Variants in OSBPL8 observed in about 807,000 individuals in gnomAD.
OSBPL8 encodes oxysterol-binding protein-related protein 8.
OSBPL8 carries 59 observed loss-of-function variants against 125.5 expected under a neutral mutation model. That is an observed-to-expected ratio of 0.47 (90% confidence interval 0.38 to 0.58). The LOEUF (loss-of-function observed/expected upper bound fraction) is 0.58, where lower values mean the gene tolerates loss of function less well. Ranked by LOEUF, OSBPL8 falls within the 20% of genes least tolerant of loss-of-function variation. The pLI is 0.00. For synonymous variants in OSBPL8, 330 were observed against 338.9 expected, an observed-to-expected ratio of 0.97 and a Z score of 0.29; for missense variants, 758 against 1,047.8, an observed-to-expected ratio of 0.72 and a Z score of 3.82.
chr12:76,383,910 A>G (rs146433875), intron 15 of OSBPL8, among the ~76,000 whole-genome samples: 72 of 152,282 alleles, frequency 4.7e-4, no homozygotes, highest in Non-Finnish European at 7.6e-4. Context: ...CTCTCTGTTC[A>G]AAGACTAAAA....
At chr12:76,438,088 G>C (rs1565897166) in intron 4 of OSBPL8, among the ~76,000 whole-genome samples, 1 of 150,034 alleles carries the variant, frequency 6.7e-6, no homozygotes, top group Non-Finnish European at 1.5e-5. Flanking sequence ...CTGGGTTCAC[G>C]CTATTCTCCT....
At chr12:76,463,481 A>C (rs2136853290) in intron 2 of OSBPL8, among the ~76,000 whole-genome samples, 1 of 152,330 alleles carries the variant, frequency 6.6e-6, no homozygotes, top group Admixed American at 6.5e-5. Flanking sequence ...GGATATATAA[A>C]TCTGTATAGG....
chr12:76,467,150 A>G (rs183411260), intron 2 of OSBPL8, among the ~76,000 whole-genome samples: 19 of 152,070 alleles, frequency 1.2e-4, no homozygotes, highest in Admixed American at 2.0e-4. Context: ...CTTCTCATGT[A>G]AGCCTCTTTT....
At chr12:76,391,677 G>A (rs1311639991) in intron 10 of OSBPL8, among the ~76,000 whole-genome samples, 2 of 152,116 alleles carry the variant, frequency 1.3e-5, no homozygotes, top group Non-Finnish European at 2.9e-5. Flanking sequence ...ACTGGAAGAT[G>A]GCTTGAGCCC....
Position 76,552,753 on chromosome 12 carries a change from C to T in OSBPL8, c.-68+6644G>A, listed in dbSNP as rs145128450. ...ACCCCAAGTCAGCATAGGGCCAGTG[C>T]AATAGGCTAGTAAGTGGCTGTACCA... On this transcript the variant is annotated intron_variant, in intron 1 of 23. Transcript: ENST00000261183. Among the ~76,000 whole-genome samples the T allele has an allele frequency of 8.7e-3, 1,323 of 152,258 alleles. 9 individuals are homozygous for T. Among genetic ancestry groups the T allele is most frequent in the South Asian group, 0.016 (78 of 4,832 alleles).
chr12:76,540,988 C>T (rs958968740), intron 1 of OSBPL8, among the ~76,000 whole-genome samples: 1 of 152,076 alleles, frequency 6.6e-6, no homozygotes, highest in African/African-American at 2.4e-5. Context: ...AAAGAAAACA[C>T]AGCTAGCAAA....
intron 4 of OSBPL8, among the ~76,000 whole-genome samples, chr12:76,436,420 A>G (rs963411773): frequency 2.6e-5 from 4 of 152,024 alleles, no homozygotes; most frequent in Admixed American, 6.6e-5. Context: ...AATAACATAA[A>G]CCAGTGGTCC....
chr12:76,375,496 T>C, intron 16 of OSBPL8, 126 bp from the exon 17 acceptor site: 1 of 615,780 alleles, frequency 1.6e-6, no homozygotes. Flanking sequence ...CCCACTCAAA[T>C]GAAAAACTAT....
At chr12:76,401,216 T>C (rs1340472338) in intron 6 of OSBPL8, among the ~76,000 whole-genome samples, 1 of 152,216 alleles carries the variant, frequency 6.6e-6, no homozygotes, top group Non-Finnish European at 1.5e-5. Flanking sequence ...GTTAACCTTC[T>C]GGAAAACACT....
intron 1 of OSBPL8, among the ~76,000 whole-genome samples, chr12:76,504,486 G>T (rs1163768816): frequency 1.3e-5 from 2 of 152,162 alleles, no homozygotes; most frequent in African/African-American, 4.8e-5. Context: ...ACAGTATTTG[G>T]AAGGTGGAAG....
At chr12:76,386,446 T>C in intron 13 of OSBPL8, 133 bp downstream of exon 13, 1 of 1,279,242 alleles carries the variant, frequency 7.8e-7, no homozygotes, top group Non-Finnish European at 1.1e-6. Flanking sequence ...GTCTAAATGA[T>C]CAGGTATTTT....
chr12:76,380,929 A>T (rs560642187), intron 15 of OSBPL8, among the ~76,000 whole-genome samples: 2 of 152,184 alleles, frequency 1.3e-5, no homozygotes, highest in Middle Eastern at 3.2e-3. Context: ...GGACTAAGAA[A>T]TAAATAGGTG....
At chr12:76,386,734 A>G in intron 12 of OSBPL8, 74 bp from the exon 13 acceptor site, 1 of 1,000,334 alleles carries the variant, frequency 1.0e-6, no homozygotes, top group Non-Finnish European at 1.5e-6. Context: ...TTAACCAATA[A>G]CCGAGTATGA....
rs1023565380 is a variant in OSBPL8, at chr12:76,386,737, G to A, written c.1353-77C>T. On this transcript the variant is annotated intron_variant, in intron 12 of 23. Transcript: ENST00000261183. ...CTCTCACATTTATTAACCAATAACCGAGTATGAAACATGATTGGAAAACAT... is the reference window on the plus strand; with the variant it reads ...CTCTCACATTTATTAACCAATAACCAAGTATGAAACATGATTGGAAAACAT... The A allele has an allele frequency of 1.7e-5, 16 of 966,546 alleles. No individual in the cohort carries two copies. In the African/African-American group the frequency reaches 1.8e-4, roughly 11 times the overall value. The allele number at this position is 966,546 out of a possible 1,614,324, so 59.9% of individuals were successfully genotyped here. A position where few individuals can be genotyped will look rare whatever the true frequency, so the allele number is the denominator to read the frequency against.
chr12:76,462,295 T>G (rs1874835022), intron 2 of OSBPL8, among the ~76,000 whole-genome samples: 1 of 152,208 alleles, frequency 6.6e-6, no homozygotes, highest in Non-Finnish European at 1.5e-5. Flanking sequence ...CAGAAAATAA[T>G]CCTTAGCATA....
chr12:76,544,840 TA>T (rs1023727587), intron 1 of OSBPL8, among the ~76,000 whole-genome samples: 96 of 140,798 alleles, frequency 6.8e-4, no homozygotes, highest in Middle Eastern at 7.5e-3. Flanking sequence ...ACACTGAGTC[TA>T]AAAAAAAAAA....
At chr12:76,388,117 T>G (rs566570507) in intron 12 of OSBPL8, among the ~76,000 whole-genome samples, 2 of 152,324 alleles carry the variant, frequency 1.3e-5, no homozygotes, top group South Asian at 4.1e-4. Context: ...AATTCTTCCT[T>G]ATATGGGTGG....
chr12:76,382,822 G>A (rs5019824), intron 15 of OSBPL8, among the ~76,000 whole-genome samples: 119,864 of 151,486 alleles, frequency 0.79, 47,652 homozygotes, highest in East Asian at 0.92. Flanking sequence ...GGCAGAGGTT[G>A]CAGTGAGCCG....
intron 9 of OSBPL8, among the ~76,000 whole-genome samples, chr12:76,393,710 C>CAA (rs11423585): frequency 0.13 from 6,541 of 52,206 alleles, 1,328 homozygotes; most frequent in South Asian, 0.14. Flanking sequence ...GACTCCGTTT[C>CAA]AAAAAAAAAA....
Sources: allele counts gnomAD v4.1 joint callset (sites outside exome capture counted in the v4.1 genomes callset), GRCh38; gene constraint gnomAD v4.1.1; transcripts MANE v1.5; gene names NCBI Gene and HGNC (gene_info 2026-07-23, HGNC 2026-07-21).